Variants in TCAIM observed in about 807,000 individuals in gnomAD.
The protein encoded by TCAIM is T cell activation inhibitor, mitochondrial, also known as T-cell activation inhibitor, mitochondrial.
A neutral mutation model predicts 58.6 loss-of-function variants in TCAIM; 36 were observed. The ratio of observed to expected loss-of-function variants is 0.61; its 90% confidence interval spans 0.47 to 0.81. The LOEUF is 0.81. Among genes scored for constraint, TCAIM ranks in the 30% least tolerant of loss-of-function variants. The pLI is 0.00. For missense variants in TCAIM, 466 were observed against 579.6 expected (o/e 0.80, Z 2.01); for synonymous variants, 172 against 193.6 (o/e 0.89, Z 0.93).
chr3:44,354,735 T>G lies in TCAIM; in HGVS notation c.-44-4T>G. ...TCATTTGTGATATCTGCTTAACTTT[T>G]AAGCAATTAATGGATGCCTCGAAGT... is the stretch of plus-strand genomic sequence containing the variant. On this transcript the variant is annotated splice_region_variant and splice_polypyrimidine_tract_variant and intron_variant, in intron 1 of 10. Coordinates refer to ENST00000342649, the MANE Select transcript of TCAIM (RefSeq NM_173826.4). The G allele has an allele frequency of 6.3e-7, 1 of 1,591,474 alleles. No individual in the cohort carries two copies. The highest frequency in any genetic ancestry group is 8.5e-7 in the Non-Finnish European group (1 of 1,171,658).
intron 4 of TCAIM, among the ~76,000 whole-genome samples, chr3:44,364,268 GA>G (rs1191219472): frequency 6.6e-6 from 1 of 151,126 alleles, no homozygotes; most frequent in African/African-American, 2.4e-5. Flanking sequence ...AAAGGTTACA[GA>G]AAAAATTAAA....
At chr3:44,372,959 T>C (rs1701504659) in intron 5 of TCAIM, among the ~76,000 whole-genome samples, 1 of 152,200 alleles carries the variant, frequency 6.6e-6, no homozygotes, top group Non-Finnish European at 1.5e-5. Context: ...CTGAGCACTA[T>C]GTTAAACGAG....
At chr3:44,394,912 AAAAAAAAAAATATATATATATATATAT>A (rs1701901869) in intron 6 of TCAIM, among the ~76,000 whole-genome samples, 1 of 52,924 alleles carries the variant, frequency 1.9e-5, no homozygotes, top group African/African-American at 6.5e-5. Context: ...AAAAAAAAAA[AAAAAAAAAAATATATATATATATATAT>A]ATATATATAT....
chr3:44,406,026 G>A (rs1324826895), intron 10 of TCAIM, among the ~76,000 whole-genome samples: 2 of 151,614 alleles, frequency 1.3e-5, no homozygotes, highest in Non-Finnish European at 2.9e-5. Flanking sequence ...GCTGGTACAC[G>A]TTATTTTCCT....
At chr3:44,369,249 C>T (rs1415656889) in intron 5 of TCAIM, among the ~76,000 whole-genome samples, 1 of 152,046 alleles carries the variant, frequency 6.6e-6, no homozygotes, top group Non-Finnish European at 1.5e-5. Context: ...CTTACACCCG[C>T]GGGAGAATAT....
In TCAIM at chr3:44,357,789, T is replaced by C. The variant is rs1701224309; in HGVS notation, c.78T>C (p.Ala26=). Residue 26 remains alanine, a synonymous_variant, in exon 3 of 11, where the codon GCT becomes GCC. Coordinates refer to ENST00000342649, the MANE Select transcript of TCAIM (RefSeq NM_173826.4). The stretch of plus-strand genomic sequence containing the variant: ...CACACTGGTTTCCCTTTTCAAGAGC[T>C]TTATCGGGAGCTGAAGCAGTCAATG... ...IFPHWFPFSR[A]LSGAEAVNAL... 10 of 1,614,176 alleles carry C rather than the reference T, an allele frequency of 6.2e-6. No individual in the cohort carries two copies. The highest frequency in any genetic ancestry group is 6.8e-6 in the Non-Finnish European group (8 of 1,180,016).
At chr3:44,372,755 G>A (rs564519875) in intron 5 of TCAIM, among the ~76,000 whole-genome samples, 15 of 151,788 alleles carry the variant, frequency 9.9e-5, no homozygotes, top group South Asian at 8.3e-4. Flanking sequence ...CACCACACCC[G>A]GCTAATTTTT....
intron 3 of TCAIM, among the ~76,000 whole-genome samples, chr3:44,360,786 T>G (rs934774015): frequency 1.3e-5 from 2 of 152,012 alleles, no homozygotes; most frequent in African/African-American, 4.8e-5. Context: ...TTGTATTTTT[T>G]GTAGAGTCGA....
chr3:44,354,949 A>C, intron 2 of TCAIM, 138 bp downstream of exon 2: 1 of 995,934 alleles, frequency 1.0e-6, no homozygotes, highest in Non-Finnish European at 1.5e-6. Context: ...AAAGAAAGAA[A>C]ATTTATATGA....
At chr3:44,385,992 TTC>T (rs1701732879) in intron 5 of TCAIM, among the ~76,000 whole-genome samples, 3 of 152,100 alleles carry the variant, frequency 2.0e-5, no homozygotes, top group African/African-American at 7.2e-5. Flanking sequence ...AACTTATACT[TTC>T]TTTTTTTTTA....
chr3:44,364,993 T>G (rs1244367130), intron 4 of TCAIM, among the ~76,000 whole-genome samples: 1 of 152,172 alleles, frequency 6.6e-6, no homozygotes, highest in African/African-American at 2.4e-5. Context: ...TAAAGGATAT[T>G]TGCAGTGTGG....
chr3:44,372,775 T>C (rs2125640995), intron 5 of TCAIM, among the ~76,000 whole-genome samples: 1 of 152,106 alleles, frequency 6.6e-6, no homozygotes, highest in East Asian at 1.9e-4. Context: ...TTTGTATTTT[T>C]AGTAGAGATG....
intron 10 of TCAIM, among the ~76,000 whole-genome samples, chr3:44,403,172 G>C (rs1702048158): frequency 1.3e-5 from 2 of 152,148 alleles, no homozygotes; most frequent in South Asian, 4.1e-4. Flanking sequence ...GGGAGGCTGA[G>C]ACAGGAGAAT....
intron 5 of TCAIM, among the ~76,000 whole-genome samples, chr3:44,371,219 G>A (rs374985271): frequency 1.3e-5 from 2 of 151,058 alleles, no homozygotes; most frequent in African/African-American, 2.4e-5. Flanking sequence ...GCCCATACCC[G>A]GTTAATTTTT....
At chr3:44,372,045 GGAAGGAAGGAAGGAAGGAA>G (rs1701483046) in intron 5 of TCAIM, among the ~76,000 whole-genome samples, 2 of 148,238 alleles carry the variant, frequency 1.3e-5, no homozygotes, top group East Asian at 2.0e-4. Flanking sequence ...AAGGAAGGAA[GGAAGGAAGGAAGGAAGGAA>G]GGAAGGAAGG....
intron 10 of TCAIM, among the ~76,000 whole-genome samples, chr3:44,403,330 A>G (rs548399270): frequency 1.3e-5 from 2 of 152,358 alleles, no homozygotes; most frequent in South Asian, 4.1e-4. Context: ...TCTTTTAGCA[A>G]GAGACAGTGA....
intron 1 of TCAIM, among the ~76,000 whole-genome samples, chr3:44,351,517 CAG>C (rs1306254548): frequency 6.6e-6 from 1 of 151,708 alleles, no homozygotes; most frequent in Admixed American, 6.6e-5. Flanking sequence ...ATTTTTGAGA[CAG>C]AGTCTCACTC....
At chr3:44,343,369 A>G (rs1237587990) in intron 1 of TCAIM, among the ~76,000 whole-genome samples, 2 of 152,188 alleles carry the variant, frequency 1.3e-5, no homozygotes, top group African/African-American at 2.4e-5. Flanking sequence ...TGTTTAGATC[A>G]GCACAATCCA....
At chr3:44,379,944 G>A (rs1701629373) in intron 5 of TCAIM, among the ~76,000 whole-genome samples, 1 of 152,064 alleles carries the variant, frequency 6.6e-6, no homozygotes, top group Non-Finnish European at 1.5e-5. Flanking sequence ...ATCAGGTACT[G>A]TGCTTAGTAC....
Sources: allele counts gnomAD v4.1 joint callset (sites outside exome capture counted in the v4.1 genomes callset), GRCh38; gene constraint gnomAD v4.1.1; transcripts MANE v1.5; gene names NCBI Gene and HGNC (gene_info 2026-07-23, HGNC 2026-07-21).